The following RBFOX1 variants were observed in gnomAD, a reference collection of about 807,000 sequenced individuals.
RBFOX1 encodes RNA binding fox-1 homolog 1.
A neutral mutation model predicts 57.7 loss-of-function variants in RBFOX1; 8 were observed. The ratio of observed to expected loss-of-function variants is 0.14; its 90% CI spans 0.08 to 0.25. The LOEUF is 0.25. Ranked by LOEUF, RBFOX1 falls within the 10% of genes least tolerant of loss-of-function variation. The pLI, the probability that RBFOX1 is intolerant of heterozygous loss-of-function variation, is 1.00. For missense variants in RBFOX1, 611 were observed against 548.5 expected (o/e 1.11, Z -1.14); for synonymous variants, 326 against 222.4 (o/e 1.47, Z -4.15).
At position 5,366,251 on chromosome 16, in the gene RBFOX1, A is replaced by T. The variant is rs1382988766; in HGVS notation, c.220-100965A>T. ...GAGGTGGTAGCATGGTTCCACAGAA[A>T]AAAGTAAAACTTGCTGCCGATGAAG... On this transcript the variant is annotated intron_variant, in intron 1 of 2. Transcript: ENST00000585867. 1.9e-5 allele frequency: 8 copies of T among 410,746 alleles called. No homozygotes were observed. The East Asian group carries it at 4.8e-4, about 25-fold the overall frequency. 25.4% of individuals were successfully genotyped at this position (410,746 alleles called of 1,614,324 possible).
rs984071409 is a variant in RBFOX1, at chr16:5,910,698, A to G, written c.351+43363A>G. On this transcript the variant is annotated intron_variant, in intron 4 of 19. Coordinates refer to the RBFOX1 transcript ENST00000641259. ...GTCTCTCCATCAATGCCCCACTTCTATTTTTATCAGTAGGATGCCCATCAA... is the reference window on the plus strand; with the variant it reads ...GTCTCTCCATCAATGCCCCACTTCTGTTTTTATCAGTAGGATGCCCATCAA... 2.6e-5 allele frequency among the ~76,000 whole-genome samples: 4 copies of G among 152,182 alleles called. 1 individual carries two copies. The Middle Eastern group carries it at 0.01, about 388-fold the overall frequency.
intron 2 of RBFOX1, among the ~76,000 whole-genome samples, chr16:6,465,897 T>C (rs2095038295): frequency 6.6e-6 from 1 of 151,992 alleles, no homozygotes; most frequent in South Asian, 2.1e-4. Flanking sequence ...TGTGTGTGTG[T>C]GTGTGTTCTT....
intron 2 of RBFOX1, among the ~76,000 whole-genome samples, chr16:6,542,304 C>T (rs1289022715): frequency 3.9e-5 from 6 of 151,900 alleles, no homozygotes; most frequent in African/African-American, 7.3e-5. Context: ...TTTCTTTTCT[C>T]TTTCTTGAGT....
At chr16:7,432,993 G>A (rs557636578) in intron 4 of RBFOX1, among the ~76,000 whole-genome samples, 2 of 152,276 alleles carry the variant, frequency 1.3e-5, no homozygotes, top group African/African-American at 2.4e-5. Context: ...AGGGAAACAG[G>A]GAAGGAGGTT....
intron 2 of RBFOX1, among the ~76,000 whole-genome samples, chr16:6,432,762 GA>G (rs2094134857): frequency 6.6e-6 from 1 of 152,084 alleles, no homozygotes; most frequent in Admixed American, 6.6e-5. Flanking sequence ...GGCAGGTCAC[GA>G]GGTCGGGAGT....
chr16:7,658,940 C>T (rs1054810230), intron 12 of RBFOX1, among the ~76,000 whole-genome samples: 1 of 152,126 alleles, frequency 6.6e-6, no homozygotes. Flanking sequence ...GGCCAGGCTG[C>T]TCTCAAACTC....
At chr16:5,944,312 T>G (rs571919598) in intron 4 of RBFOX1, among the ~76,000 whole-genome samples, 1 of 152,332 alleles carries the variant, frequency 6.6e-6, no homozygotes, top group African/African-American at 2.4e-5. Flanking sequence ...AGGCGGCTTT[T>G]GAGGTTCTGA....
chr16:7,206,439 T>G (rs4035654), intron 4 of RBFOX1, among the ~76,000 whole-genome samples: 78,085 of 136,946 alleles, frequency 0.57, 21,007 homozygotes, highest in African/African-American at 0.72. Context: ...ATATATGTAT[T>G]ATATTTCCTT....
intron 1 of RBFOX1, among the ~76,000 whole-genome samples, chr16:6,060,250 C>G (rs2020270): frequency 0.55 from 82,803 of 149,638 alleles, 23,167 homozygotes; most frequent in Non-Finnish European, 0.61. Flanking sequence ...CTCAAATTCT[C>G]CTCTTCTTAG....
chr16:7,082,539 G>A (rs1484180404), intron 4 of RBFOX1, among the ~76,000 whole-genome samples: 1 of 151,114 alleles, frequency 6.6e-6, no homozygotes, highest in African/African-American at 2.4e-5. Flanking sequence ...CTCCACCTGG[G>A]TGACAGAGTG....
rs111226840 is a variant in RBFOX1, at chr16:6,177,756, C to G, written c.-126-139239C>G. On this transcript the variant is annotated intron_variant, in intron 1 of 15. Transcript: ENST00000550418. ...AGTTAGAATTACGAATGAGTACACC[C>G]AAGCACGCAGTCGGTTAAGGAGACT... is the stretch of plus-strand genomic sequence containing the variant. Among the ~76,000 whole-genome samples the G allele has an allele frequency of 4.0e-3, 613 of 152,116 alleles. 4 individuals carry two copies. Among genetic ancestry groups the G allele is most frequent in the African/African-American group, 0.013 (557 of 41,494 alleles).
At chr16:6,686,650 C>G (rs1398003184) in intron 3 of RBFOX1, among the ~76,000 whole-genome samples, 2 of 152,092 alleles carry the variant, frequency 1.3e-5, no homozygotes, top group Non-Finnish European at 2.9e-5. Flanking sequence ...CTCTCCTTGT[C>G]CTTTTGAGAC....
intron 4 of RBFOX1, among the ~76,000 whole-genome samples, chr16:5,970,015 C>G (rs1303895118): frequency 6.6e-6 from 1 of 152,092 alleles, no homozygotes; most frequent in Non-Finnish European, 1.5e-5. Flanking sequence ...TTGGGAAATA[C>G]TCTTCCTAGT....
intron 3 of RBFOX1, among the ~76,000 whole-genome samples, chr16:6,788,115 G>C (rs981526938): frequency 6.6e-6 from 1 of 152,238 alleles, no homozygotes; most frequent in Admixed American, 6.5e-5. Context: ...CTAGCTACTG[G>C]GAAGGCTGAG....
At chr16:5,250,991 C>A (rs13338167) in intron 1 of RBFOX1, among the ~76,000 whole-genome samples, 1 of 152,108 alleles carries the variant, frequency 6.6e-6, no homozygotes, top group Admixed American at 6.5e-5. Context: ...TGGTACTGTC[C>A]TCTGTAGACA....
chr16:7,159,409 G>A (rs1223888784), intron 4 of RBFOX1, among the ~76,000 whole-genome samples: 5 of 152,050 alleles, frequency 3.3e-5, no homozygotes, highest in South Asian at 2.1e-4. Flanking sequence ...AATCAGAAAC[G>A]GGACAGGATT....
chr16:7,503,170 G>A (rs556303123), intron 4 of RBFOX1, among the ~76,000 whole-genome samples: 1 of 152,274 alleles, frequency 6.6e-6, no homozygotes, highest in African/African-American at 2.4e-5. Context: ...GAGAGTATTT[G>A]ATTATCCTTT....
intron 3 of RBFOX1, among the ~76,000 whole-genome samples, chr16:6,901,632 T>G (rs111417953): frequency 0.016 from 2,375 of 152,308 alleles, 66 homozygotes; most frequent in African/African-American, 0.053. Context: ...CAAAATCTGT[T>G]TCTGGTAACC....
At chr16:5,739,169 C>T (rs2052686572) in intron 3 of RBFOX1, among the ~76,000 whole-genome samples, 1 of 152,158 alleles carries the variant, frequency 6.6e-6, no homozygotes, top group South Asian at 2.1e-4. Context: ...GCCCCTTTTG[C>T]ACATAGAAGG....
Sources: allele counts gnomAD v4.1 joint callset (sites outside exome capture counted in the v4.1 genomes callset), GRCh38; gene constraint gnomAD v4.1.1; transcripts MANE v1.5; gene names NCBI Gene and HGNC (gene_info 2026-07-23, HGNC 2026-07-21).